The following ZNF736 variants were observed in gnomAD, a reference collection of about 807,000 sequenced individuals.
The protein encoded by ZNF736 is KRAB-containing zinc-finger repressor protein.
In ZNF736, 6 loss-of-function variants were observed where a neutral mutation model predicts 11.7. That is an observed-to-expected ratio of 0.51 (90% confidence interval 0.28 to 1.01). The LOEUF (loss-of-function observed/expected upper bound fraction) is 1.01. Among genes scored for constraint, ZNF736 ranks in the 50% least tolerant of loss-of-function variants. ZNF736 has a pLI of 0.09. For synonymous variants in ZNF736, 139 were observed against 164.7 expected (o/e 0.84, Z 1.19); for missense variants, 444 against 496.0 (o/e 0.90, Z 1.00).
intron 3 of ZNF736, among the ~76,000 whole-genome samples, chr7:64,345,377 A>G (rs547967133): frequency 6.6e-6 from 1 of 152,104 alleles, no homozygotes; most frequent in South Asian, 2.1e-4. Context: ...GGTCACTTTA[A>G]GCAGCATGGA....
chr7:64,343,462 T>C (rs1255154585), intron 3 of ZNF736, among the ~76,000 whole-genome samples: 1 of 152,230 alleles, frequency 6.6e-6, no homozygotes, highest in African/African-American at 2.4e-5. Context: ...TGGGGTACTG[T>C]GCTATCTATC....
At chr7:64,332,907 G>C (rs1156293271) in intron 1 of ZNF736, among the ~76,000 whole-genome samples, 1 of 152,018 alleles carries the variant, frequency 6.6e-6, no homozygotes, top group African/African-American at 2.4e-5. Context: ...GTCTTCCCTT[G>C]TTCCCTAAAA....
chr7:64,321,790 C>T (rs1789007256), intron 1 of ZNF736, among the ~76,000 whole-genome samples: 1 of 152,018 alleles, frequency 6.6e-6, no homozygotes, highest in African/African-American at 2.4e-5. Context: ...CTCACAGCAC[C>T]AGAAATATCA....
intron 3 of ZNF736, among the ~76,000 whole-genome samples, chr7:64,339,339 G>A (rs1252259468): frequency 6.6e-6 from 1 of 152,046 alleles, no homozygotes; most frequent in Non-Finnish European, 1.5e-5. Flanking sequence ...TACTTTTGCT[G>A]TCGTATCCAA....
At chr7:64,327,675 T>G (rs1211266149) in intron 1 of ZNF736, among the ~76,000 whole-genome samples, 1 of 152,218 alleles carries the variant, frequency 6.6e-6, no homozygotes, top group Admixed American at 6.5e-5. Flanking sequence ...TGGTACGTTT[T>G]AATTTTTAGA....
intron 1 of ZNF736, among the ~76,000 whole-genome samples, chr7:64,321,011 G>C (rs781539164): frequency 1.3e-5 from 2 of 152,154 alleles, no homozygotes; most frequent in Non-Finnish European, 2.9e-5. Flanking sequence ...GAAAAGAATG[G>C]TTTTGATGAT....
intron 1 of ZNF736, among the ~76,000 whole-genome samples, chr7:64,314,915 A>G (rs1353117922): frequency 2.0e-5 from 3 of 152,176 alleles, no homozygotes; most frequent in African/African-American, 7.2e-5. Flanking sequence ...TGTGTTTTCC[A>G]GCCCAAATCT....
At chr7:64,327,076 C>T (rs1339816157) in intron 1 of ZNF736, among the ~76,000 whole-genome samples, 1 of 152,136 alleles carries the variant, frequency 6.6e-6, no homozygotes, top group East Asian at 1.9e-4. Flanking sequence ...GTTCATAGTG[C>T]AGATTAAGTT....
intron 3 of ZNF736, among the ~76,000 whole-genome samples, chr7:64,345,077 G>T (rs1184744568): frequency 3.3e-5 from 5 of 151,444 alleles, no homozygotes; most frequent in Admixed American, 3.3e-4. Context: ...AGGCTGGAGT[G>T]CAGTGGCGCG....
Position 64,348,940 on chromosome 7 carries a change from C to T in ZNF736, c.1077C>T (p.His359=). The change falls in exon 4 of 4, where the codon CAC becomes CAT. Residue 359 remains histidine, a synonymous_variant. Coordinates refer to ENST00000423484, the MANE Select transcript of ZNF736 (RefSeq NM_001170905.3). The part of the protein sequence containing the change: ...AFTRSSTLFN[H]KRIHMEERPY... ...CCCGCTCCTCAACCCTTTTTAACCA[C>T]AAGAGAATTCATATGGAAGAGAGAC... 6.3e-7 allele frequency: 1 copy of T among 1,596,910 alleles called. No homozygotes were observed. Among genetic ancestry groups the T allele is most frequent in the Non-Finnish European group, 8.5e-7 (1 of 1,171,154 alleles).
chr7:64,333,962 C>G (rs1208405321), intron 1 of ZNF736, among the ~76,000 whole-genome samples: 1 of 152,124 alleles, frequency 6.6e-6, no homozygotes, highest in Non-Finnish European at 1.5e-5. Context: ...ACCAATGTAA[C>G]AGAACAGAGG....
chr7:64,343,609 G>C lies in ZNF736; in HGVS notation c.227-4481G>C, dbSNP rs568589299. 2.0e-3 allele frequency among the ~76,000 whole-genome samples: 305 copies of C among 152,272 alleles called. 3 individuals are homozygous for C. The highest frequency in any genetic ancestry group is 3.5e-4 in the Non-Finnish European group (24 of 68,006). ...ACCAAAATATGTGCTCTTTATAAAT[G>C]TGCAGTCACAGTTAAAATGCATGGC... On this transcript the variant is annotated intron_variant, in intron 3 of 3. Coordinates refer to ENST00000423484, the MANE Select transcript of ZNF736 (RefSeq NM_001170905.3).
chr7:64,343,328 A>G (rs751226596), intron 3 of ZNF736, among the ~76,000 whole-genome samples: 13 of 152,246 alleles, frequency 8.5e-5, no homozygotes, highest in African/African-American at 2.2e-4. Context: ...CAAATACTGC[A>G]TGTTCTTACT....
intron 1 of ZNF736, among the ~76,000 whole-genome samples, chr7:64,315,814 C>G (rs1584262780): frequency 6.6e-6 from 1 of 152,308 alleles, no homozygotes; most frequent in East Asian, 1.9e-4. Context: ...TGCCAACTAT[C>G]CCTCTCCAAA....
At chr7:64,331,357 T>C (rs2115911521) in intron 1 of ZNF736, among the ~76,000 whole-genome samples, 1 of 152,270 alleles carries the variant, frequency 6.6e-6, no homozygotes, top group Non-Finnish European at 1.5e-5. Context: ...TACTGCACAG[T>C]CTCACAATCA....
At chr7:64,324,329 T>A (rs911720879) in intron 1 of ZNF736, among the ~76,000 whole-genome samples, 2 of 152,088 alleles carry the variant, frequency 1.3e-5, no homozygotes, top group Admixed American at 6.5e-5. Context: ...ACTCAGCAAG[T>A]GTCAGGCAGG....
chr7:64,319,331 GTGTATATATA>G (rs1198215225), intron 1 of ZNF736, among the ~76,000 whole-genome samples: 1,913 of 75,490 alleles, frequency 0.025, 74 homozygotes, highest in Admixed American at 0.042. Context: ...GTGTGTGTAT[GTGTATATATA>G]TATATATATA....
rs377185440 is a variant in ZNF736 at position 64,348,314 on chromosome 7, G to A, written c.451G>A (p.Gly151Ser). The change falls in exon 4 of 4, where the codon GGC becomes AGC. Residue 151 changes from glycine (G) to serine (S), a missense_variant. Coordinates refer to ENST00000423484, the MANE Select transcript of ZNF736 (RefSeq NM_001170905.3). ...HSKTCQCNKCGRGFQLCSIFT... is the reference protein window; with the variant it reads ...HSKTCQCNKCSRGFQLCSIFT... ...CAAAACCTGTCAATGTAATAAATGTGGCAGAGGTTTTCAGTTGTGCTCAAT... is the reference window on the plus strand; with the variant it reads ...CAAAACCTGTCAATGTAATAAATGTAGCAGAGGTTTTCAGTTGTGCTCAAT... 3.2e-6 allele frequency: 5 copies of A among 1,551,760 alleles called. No homozygotes were observed. In the African/African-American group the frequency reaches 6.8e-5, roughly 21 times the overall value.
At chr7:64,343,929 C>G (rs546227416) in intron 3 of ZNF736, among the ~76,000 whole-genome samples, 1 of 149,552 alleles carries the variant, frequency 6.7e-6, no homozygotes, top group East Asian at 2.0e-4. Context: ...AAATATTACC[C>G]CTATTTTATG....
Sources: allele counts gnomAD v4.1 joint callset (sites outside exome capture counted in the v4.1 genomes callset), GRCh38; gene constraint gnomAD v4.1.1; transcripts MANE v1.5; gene names NCBI Gene and HGNC (gene_info 2026-07-23, HGNC 2026-07-21).